The following CLASP2 variants were observed in gnomAD, a reference collection of about 807,000 sequenced individuals.
CLASP2 encodes the protein CLIP-associating protein 2.
Under a neutral mutation model 194.4 loss-of-function variants are expected in CLASP2, and 47 were observed. The ratio of observed to expected loss-of-function variants is 0.24; its 90% CI spans 0.19 to 0.31. The LOEUF is 0.31. Ranked by LOEUF, CLASP2 falls within the 10% of genes least tolerant of loss-of-function variation. The pLI, the probability that CLASP2 is intolerant of heterozygous loss-of-function variation, is 1.00. For missense variants in CLASP2, 1,445 were observed against 1,823.6 expected (o/e 0.79, Z 3.78); for synonymous variants, 619 against 633.5 (o/e 0.98, Z 0.34).
At chr3:33,523,664 T>C (rs983542109) in intron 34 of CLASP2, among the ~76,000 whole-genome samples, 4 of 152,210 alleles carry the variant, frequency 2.6e-5, no homozygotes, top group African/African-American at 7.2e-5. Context: ...AATATATACA[T>C]TGGCAATTAT....
chr3:33,545,626 A>C (rs1240445945), intron 30 of CLASP2, among the ~76,000 whole-genome samples: 1 of 152,140 alleles, frequency 6.6e-6, no homozygotes, highest in African/African-American at 2.4e-5. Context: ...AAACTATAAG[A>C]CTGCTGTAAC....
chr3:33,708,494 ATATATATATATG>A (rs201757616), intron 1 of CLASP2, among the ~76,000 whole-genome samples: 27,590 of 130,408 alleles, frequency 0.21, 3,052 homozygotes, highest in Admixed American at 0.33. Flanking sequence ...GTGTATGTAT[ATATATATATATG>A]TATATATATG....
At chr3:33,698,317 C>G (rs527725995) in intron 1 of CLASP2, among the ~76,000 whole-genome samples, 3 of 152,196 alleles carry the variant, frequency 2.0e-5, no homozygotes, top group East Asian at 3.9e-4. Context: ...GAGGAAGGAG[C>G]AGAAAAACAT....
chr3:33,643,868 G>GA lies in CLASP2; in HGVS notation c.862+888dup, dbSNP rs1190940643. Among the ~76,000 whole-genome samples, 4 of 151,430 alleles carry GA rather than the reference G, an allele frequency of 2.6e-5. No homozygotes were observed. In the South Asian group the frequency reaches 6.2e-4, roughly 24 times the overall value. On this transcript the variant is annotated intron_variant, in intron 8 of 38. Coordinates refer to ENST00000682230, the MANE Select transcript of CLASP2 (RefSeq NM_001365631.1). ...TAATAAAAAGAACTATAGACAAAAAGAAAAAACAAAAATCCTCAAGACCAT... is the reference window on the plus strand; with the variant it reads ...TAATAAAAAGAACTATAGACAAAAAGAAAAAAACAAAAATCCTCAAGACCAT...
At chr3:33,645,929 T>TAC (rs60196645) in intron 7 of CLASP2, among the ~76,000 whole-genome samples, 9,794 of 135,080 alleles carry the variant, frequency 0.073, 323 homozygotes, top group Non-Finnish European at 0.088. Context: ...TCTCCCAGCA[T>TAC]ACACACACAC....
intron 16 of CLASP2, among the ~76,000 whole-genome samples, chr3:33,605,918 A>C (rs1377397914): frequency 6.6e-6 from 1 of 152,076 alleles, no homozygotes; most frequent in Non-Finnish European, 1.5e-5. Context: ...GCCTAAGCTG[A>C]CATTCTCTGA....
intron 7 of CLASP2, among the ~76,000 whole-genome samples, chr3:33,658,512 T>A (rs1441558029): frequency 1.3e-5 from 2 of 152,222 alleles, no homozygotes; most frequent in Non-Finnish European, 2.9e-5. Context: ...TGAATTAAAA[T>A]AATGCCCATG....
chr3:33,671,476 T>A (rs1021213110), intron 6 of CLASP2, among the ~76,000 whole-genome samples: 8 of 152,236 alleles, frequency 5.3e-5, no homozygotes, highest in African/African-American at 1.9e-4. Flanking sequence ...GATGGCCGAA[T>A]AGGAACAGCT....
intron 5 of CLASP2, among the ~76,000 whole-genome samples, 187 bp from the exon 6 acceptor site, chr3:33,684,643 A>G (rs1365410110): frequency 6.6e-6 from 1 of 152,212 alleles, no homozygotes; most frequent in African/African-American, 2.4e-5. Flanking sequence ...AAAAACTACT[A>G]AAAGATGATT....
chr3:33,531,571 T>A (rs988474002), intron 34 of CLASP2, among the ~76,000 whole-genome samples: 3 of 151,672 alleles, frequency 2.0e-5, no homozygotes, highest in African/African-American at 7.3e-5. Flanking sequence ...AGGTCAGGAG[T>A]TCGAGACCAG....
chr3:33,594,051 C>T (rs1234580336), intron 20 of CLASP2, among the ~76,000 whole-genome samples: 2 of 152,110 alleles, frequency 1.3e-5, no homozygotes, highest in African/African-American at 2.4e-5. Context: ...ACTATGTCGT[C>T]CAAGCTGGTC....
At chr3:33,543,626 T>TG in intron 31 of CLASP2, 87 bp from the exon 32 acceptor site, 2 of 780,470 alleles carry the variant, frequency 2.6e-6, no homozygotes, top group Admixed American at 4.1e-5. Flanking sequence ...AACATTAGGT[T>TG]GAACCATATT....
In CLASP2 at chr3:33,604,191, T is replaced by C. The variant is rs2073120041; in HGVS notation, c.1713A>G (p.Lys571=). The C allele has an allele frequency of 4.5e-6, 7 of 1,560,328 alleles. No homozygotes were observed. The highest frequency in any genetic ancestry group is 6.1e-6 in the Non-Finnish European group (7 of 1,151,014). The change falls in exon 17 of 39, where the codon AAA becomes AAG. Residue 571 remains lysine (K), a synonymous_variant. Transcript: ENST00000682230. ...QESLNRPFSS[K]WSTANPSTVA... ...CAGTTGATGGATTTGCTGTAGACCA[T>C]TTGGAAGAAAAAGGGCGACTGCAAA...
At chr3:33,561,469 T>C (rs2061778550) in intron 27 of CLASP2, among the ~76,000 whole-genome samples, 1 of 152,178 alleles carries the variant, frequency 6.6e-6, no homozygotes, top group African/African-American at 2.4e-5. Context: ...CACAAATAAT[T>C]TGGTATGGGA....
intron 17 of CLASP2, among the ~76,000 whole-genome samples, chr3:33,603,493 T>C (rs1014817588): frequency 6.6e-6 from 1 of 152,158 alleles, no homozygotes; most frequent in Non-Finnish European, 1.5e-5. Flanking sequence ...TTTTTTACTA[T>C]GATAAAAATA....
At chr3:33,585,570 T>C (rs564053699) in intron 21 of CLASP2, among the ~76,000 whole-genome samples, 1 of 152,220 alleles carries the variant, frequency 6.6e-6, no homozygotes, top group Non-Finnish European at 1.5e-5. Flanking sequence ...TATAGTATTA[T>C]AATTTTTTAA....
chr3:33,534,773 C>T lies in CLASP2; in HGVS notation c.3787+460G>A, dbSNP rs558446450. 3.9e-5 allele frequency among the ~76,000 whole-genome samples: 6 copies of T among 152,284 alleles called. No homozygotes were observed. In the South Asian group the frequency reaches 1.2e-3, roughly 32 times the overall value. On this transcript the variant is annotated intron_variant, in intron 34 of 38. Transcript: ENST00000682230. The stretch of plus-strand genomic sequence containing the variant: ...TTAGAGCTTAGAACTAAGCCCATTT[C>T]ACCCAAATTCAAATCCTAATGGTAA...
intron 13 of CLASP2, among the ~76,000 whole-genome samples, chr3:33,610,589 G>A (rs901001397): frequency 7.2e-6 from 1 of 139,722 alleles, no homozygotes; most frequent in Non-Finnish European, 1.6e-5. Context: ...AATGTAAGAC[G>A]GGTTGGTTAA....
intron 21 of CLASP2, among the ~76,000 whole-genome samples, chr3:33,588,341 T>C (rs1448611696): frequency 2.0e-5 from 3 of 152,204 alleles, no homozygotes; most frequent in African/African-American, 7.2e-5. Context: ...ATCCAAGGAA[T>C]AGCATGCTAC....
Sources: gnomAD v4.1 joint callset for allele counts (sites outside exome capture counted in the v4.1 genomes callset) on GRCh38, gnomAD v4.1.1 for gene constraint, MANE v1.5 for transcripts, NCBI Gene and HGNC (gene_info 2026-07-23, HGNC 2026-07-21) for gene names.